CRAMP1: variants seen among roughly 807,000 people sequenced by gnomAD.
The protein encoded by CRAMP1 is protein cramped-like.
A neutral mutation model predicts 115.4 loss-of-function variants in CRAMP1; 50 were observed. The observed-to-expected ratio is 0.43, with a 90% CI of 0.35 to 0.55. CRAMP1 has a LOEUF of 0.55. Among genes scored for constraint, CRAMP1 ranks in the 20% least tolerant of loss-of-function variants. The probability of loss-of-function intolerance (pLI) is 0.01; values close to 1 mark genes in which losing one functional copy is unlikely to be tolerated. For synonymous variants in CRAMP1, 866 were observed against 745.4 expected, an observed-to-expected ratio of 1.16 and a Z score of -2.64; for missense variants, 1,679 against 1,721.7, an observed-to-expected ratio of 0.98 and a Z score of 0.44.
At position 1,652,491 on chromosome 16, in the gene CRAMP1, C is replaced by G; in HGVS notation, c.828-5C>G. The G allele has an allele frequency of 6.4e-7, 1 of 1,551,316 alleles. No individual in the cohort carries two copies. Among genetic ancestry groups the G allele is most frequent in the Non-Finnish European group, 8.7e-7 (1 of 1,146,660 alleles). On this transcript the variant is annotated splice_region_variant and splice_polypyrimidine_tract_variant and intron_variant, in intron 6 of 20. Transcript: ENST00000397412. ...CTCAGCGTTCCTTCAAAACTCTTTT[C>G]CCAGGGCCACCACTGTACGTTACAA...
intron 18 of CRAMP1, among the ~76,000 whole-genome samples, 157 bp from the exon 19 acceptor site, chr16:1,668,844 G>A (rs957733960): frequency 3.9e-5 from 6 of 152,164 alleles, no homozygotes; most frequent in Non-Finnish European, 5.9e-5. Context: ...GCTGTTCTGC[G>A]GTGCTGCGCT....
At position 1,661,964 on chromosome 16, in the gene CRAMP1, T is replaced by TATA. The variant is rs1483005461; in HGVS notation, c.2414-525_2414-523dup. On this transcript the variant is annotated intron_variant, in intron 11 of 20. Coordinates refer to ENST00000397412, the MANE Select transcript of CRAMP1 (RefSeq NM_020825.4). ...AGATTTACACCAGGGAGCAGCAAGC[T>TATA]ATAGGCCTGCAGCCCAGATCCAGCT... is the stretch of plus-strand genomic sequence containing the variant. Among the ~76,000 whole-genome samples, 9 of 152,344 alleles carry TATA rather than the reference T, an allele frequency of 5.9e-5. No individual in the cohort carries two copies. In the East Asian group the frequency reaches 1.7e-3, roughly 29 times the overall value.
chr16:1,664,083 C>A (rs756749005), intron 13 of CRAMP1, among the ~76,000 whole-genome samples: 1 of 152,186 alleles, frequency 6.6e-6, no homozygotes, highest in Non-Finnish European at 1.5e-5. Context: ...GTCTCTCCGA[C>A]GCCAGTGTCC....
rs764998478 is a variant in CRAMP1 at position 1,656,367 on chromosome 16, AGCCAGGGGC to A, written c.1611_1619del (p.Glu537_Ala540delinsAsp). 1.3e-5 allele frequency: 21 copies of A among 1,601,994 alleles called. No individual in the cohort carries two copies. The Admixed American group carries it at 3.6e-4, about 27-fold the overall frequency. Reference sequence around the variant, plus strand: ...GAAGGCAGGGACAGTCCCACCCGGGAGCCAGGGGCCTTGCCGTGTGCCTGTGGCCAGCTC... The same window carrying A: ...GAAGGCAGGGACAGTCCCACCCGGGACTTGCCGTGTGCCTGTGGCCAGCTC... On this transcript the variant is annotated inframe_deletion, in exon 10 of 21. Coordinates refer to ENST00000397412, the MANE Select transcript of CRAMP1 (RefSeq NM_020825.4). This position sits in a 1 kb window ranked among gnomAD's most constrained non-coding sequence, Gnocchi z 5.6.
At position 1,669,958 on chromosome 16, in the gene CRAMP1, C is replaced by T. The variant is rs545962213; in HGVS notation, c.3500-706C>T. Among the ~76,000 whole-genome samples the T allele has an allele frequency of 8.5e-5, 13 of 152,252 alleles. No individual in the cohort carries two copies. In the South Asian group the frequency reaches 2.1e-3, roughly 24 times the overall value. ...CAGTGCAGATGTTTGGAAAGTCACA[C>T]GTAAATCTTGAAAAACTGGAAACAG... is the stretch of plus-strand genomic sequence containing the variant. On this transcript the variant is annotated intron_variant, in intron 19 of 20. Coordinates refer to ENST00000397412, the MANE Select transcript of CRAMP1 (RefSeq NM_020825.4). This position sits in a 1 kb window ranked among gnomAD's most constrained non-coding sequence, Gnocchi z 4.6.
chr16:1,656,603 T>C lies in CRAMP1; in HGVS notation c.1846T>C (p.Ser616Pro). The change falls in exon 10 of 21, where the codon TCC (serine) becomes CCC (proline). Residue 616 changes from serine to proline, a missense_variant. Physicochemically the swap from Ser to Pro is moderately conservative, Grantham distance 74. Around this residue, in one of 8 missense-constraint regions of CRAMP1, gnomAD observed 405 missense variants for 302.6 expected, o/e 1.34. Transcript: ENST00000397412. This position sits in a 1 kb window ranked among gnomAD's most constrained non-coding sequence, Gnocchi z 5.6. The stretch of plus-strand genomic sequence containing the variant: ...TGCTGACCTTGCTCCCACTGGCCCA[T>C]CCCCGAGGCCCGGCCCCGGGCTCCT... ...EAADLAPTGP[S>P]PRPGPGLLLD... 6.4e-7 allele frequency: 1 copy of C among 1,572,028 alleles called. No homozygotes were observed. The highest frequency in any genetic ancestry group is 8.6e-7 in the Non-Finnish European group (1 of 1,159,648).
chr16:1,643,730 G>A (rs1288986804), intron 6 of CRAMP1, among the ~76,000 whole-genome samples: 1 of 152,232 alleles, frequency 6.6e-6, no homozygotes, highest in East Asian at 1.9e-4. Context: ...CACGCTTGGT[G>A]CCATTTACAG....
At chr16:1,647,024 C>T (rs13336131) in intron 6 of CRAMP1, 54,760 of 702,622 alleles carry the variant, frequency 0.078, 2,308 homozygotes, top group African/African-American at 0.12. Flanking sequence ...AGCAGACATT[C>T]GTATTTACAA....
chr16:1,626,884 C>T (rs575213242), intron 3 of CRAMP1, among the ~76,000 whole-genome samples: 55 of 152,242 alleles, frequency 3.6e-4, no homozygotes, highest in African/African-American at 1.3e-3. Flanking sequence ...GGAGCACAGC[C>T]ATGGCCAGGG....
chr16:1,663,429 A>G (rs993481311), intron 13 of CRAMP1, among the ~76,000 whole-genome samples: 8 of 152,218 alleles, frequency 5.3e-5, no homozygotes, highest in African/African-American at 1.7e-4. Flanking sequence ...TGAGATTAGT[A>G]TATTTACAAA....
At chr16:1,657,249 T>C (rs888047117) in intron 10 of CRAMP1, among the ~76,000 whole-genome samples, 17 of 152,190 alleles carry the variant, frequency 1.1e-4, no homozygotes, top group Admixed American at 5.2e-4. Flanking sequence ...ACTTGATGAG[T>C]GTCCCCACTT....
chr16:1,641,063 G>A, intron 5 of CRAMP1, 76 bp from the exon 6 acceptor site: 1 of 1,008,460 alleles, frequency 9.9e-7, no homozygotes. Context: ...ATATTGAGCG[G>A]AATTGTATGG....
chr16:1,633,720 C>G (rs1326988446), intron 4 of CRAMP1, among the ~76,000 whole-genome samples: 2 of 152,186 alleles, frequency 1.3e-5, no homozygotes, highest in African/African-American at 4.8e-5. Flanking sequence ...ACCGACTTTT[C>G]ATTGTCGGCC....
intron 2 of CRAMP1, among the ~76,000 whole-genome samples, chr16:1,621,554 G>C (rs765893597): frequency 1.3e-5 from 2 of 152,162 alleles, no homozygotes; most frequent in Non-Finnish European, 2.9e-5. Flanking sequence ...GGAGGACCTG[G>C]GTCCCAGCAG....
intron 4 of CRAMP1, among the ~76,000 whole-genome samples, chr16:1,633,750 C>G (rs574335321): frequency 1.3e-5 from 2 of 152,298 alleles, no homozygotes; most frequent in African/African-American, 4.8e-5. Context: ...GTCGTCTGTC[C>G]TTTGCATCGT....
At chr16:1,634,003 G>A (rs2036566786) in intron 4 of CRAMP1, among the ~76,000 whole-genome samples, 1 of 151,600 alleles carries the variant, frequency 6.6e-6, no homozygotes, top group South Asian at 2.1e-4. Flanking sequence ...ACTCCAGCTT[G>A]GCCACAGAGC....
chr16:1,657,761 C>T (rs1323900801), intron 10 of CRAMP1, among the ~76,000 whole-genome samples: 2 of 152,166 alleles, frequency 1.3e-5, no homozygotes, highest in East Asian at 1.9e-4. Context: ...TCCTACCCCA[C>T]AGCCCCAAGT....
Position 1,656,721 on chromosome 16 carries a change from A to G in CRAMP1, c.1964A>G (p.Gln655Arg). The G allele has an allele frequency of 6.4e-7, 1 of 1,553,052 alleles. No homozygotes were observed. Among genetic ancestry groups the G allele is most frequent in the South Asian group, 1.2e-5 (1 of 84,226 alleles). Residue 655 changes from glutamine (Q) to arginine (R), a missense_variant, in exon 10 of 21, where the codon CAG becomes CGG. Gln to Arg is a conservative substitution (Grantham distance 43). Transcript: ENST00000397412. The surrounding 1 kb of genome is among the most constrained non-coding windows in gnomAD (Gnocchi z 5.6). ...SPAGPPPSQGQPAARPPKEVP... is the reference protein window; with the variant it reads ...SPAGPPPSQGRPAARPPKEVP... ...GCGGGGCCTCCGCCGTCTCAGGGAC[A>G]GCCTGCCGCCAGGCCCCCGAAGGAG...
At chr16:1,668,330 C>CT (rs2036893922) in intron 18 of CRAMP1, 137 bp downstream of exon 18, 1 of 702,412 alleles carries the variant, frequency 1.4e-6, no homozygotes, top group African/African-American at 1.8e-5. Flanking sequence ...AAGGTGCTGC[C>CT]TGTCTCCAGC....
Sources: gnomAD v4.1 joint callset for allele counts (sites outside exome capture counted in the v4.1 genomes callset) on GRCh38, gnomAD v4.1.1 for gene constraint, gnomAD v4.1.1 regional missense constraint, Gnocchi (gnomAD v3.1) non-coding constraint, MANE v1.5 for transcripts, NCBI Gene and HGNC (gene_info 2026-07-23, HGNC 2026-07-21) for gene names.